The following ROCK2 variants were observed in gnomAD, a reference collection of about 807,000 sequenced individuals.
The protein encoded by ROCK2 is Rho associated coiled-coil containing protein kinase 2.
A neutral mutation model predicts 195.1 loss-of-function variants in ROCK2; 61 were observed. The observed-to-expected ratio is 0.31, with a 90% CI of 0.25 to 0.39. The LOEUF (loss-of-function observed/expected upper bound fraction) is 0.39. ROCK2 is among the 10% of genes least tolerant of loss of function. The probability of loss-of-function intolerance (pLI) is 1.00; values close to 1 mark genes in which losing one functional copy is unlikely to be tolerated. For missense variants in ROCK2, 1,109 were observed against 1,637.4 expected, an observed-to-expected ratio of 0.68 and a Z score of 5.57; for synonymous variants, 504 against 545.5, an observed-to-expected ratio of 0.92 and a Z score of 1.06.
chr2:11,292,108 A>G (rs1402132227), intron 1 of ROCK2, among the ~76,000 whole-genome samples: 2 of 152,126 alleles, frequency 1.3e-5, no homozygotes, highest in Non-Finnish European at 2.9e-5. Context: ...TATTATTTCT[A>G]AATCACTGTT....
At chr2:11,299,406 AT>A (rs1667638407) in intron 1 of ROCK2, among the ~76,000 whole-genome samples, 1 of 152,244 alleles carries the variant, frequency 6.6e-6, no homozygotes, top group African/African-American at 2.4e-5. Context: ...AAGTACTTTT[AT>A]AAAAAACCAA....
intron 3 of ROCK2, among the ~76,000 whole-genome samples, chr2:11,252,717 C>T (rs955978561): frequency 2.0e-5 from 3 of 152,150 alleles, no homozygotes; most frequent in South Asian, 2.1e-4. Flanking sequence ...AACCAAACAC[C>T]GCAGGTTCCC....
In ROCK2 at chr2:11,229,599, T is replaced by C. The variant is rs1572273867; in HGVS notation, c.724-2201A>G. ...ATAAACATTAAAACCAATCAGGATG[T>C]GGGGGGAACTCTAAATGCAACACAA... On this transcript the variant is annotated intron_variant, in intron 5 of 32. Coordinates refer to ENST00000315872, the MANE Select transcript of ROCK2 (RefSeq NM_004850.5). Among the ~76,000 whole-genome samples the C allele has an allele frequency of 3.5e-5, 5 of 143,694 alleles. No homozygotes were observed. The South Asian group carries it at 8.8e-4, about 25-fold the overall frequency. 94.3% of individuals were successfully genotyped at this position (143,694 alleles called of 152,430 possible). A position where few individuals can be genotyped will look rare whatever the true frequency, so the allele number is the denominator to read the frequency against.
intron 32 of ROCK2, among the ~76,000 whole-genome samples, chr2:11,188,979 G>A (rs1199546892): frequency 3.3e-5 from 5 of 149,626 alleles, no homozygotes; most frequent in Non-Finnish European, 7.4e-5. Context: ...GAGGGTTAGG[G>A]TGAACCGAGA....
At chr2:11,318,875 T>G (rs1183274646) in intron 1 of ROCK2, among the ~76,000 whole-genome samples, 5 of 152,202 alleles carry the variant, frequency 3.3e-5, no homozygotes, top group Non-Finnish European at 5.9e-5. Flanking sequence ...CTTCCCCATT[T>G]CTTGTTTTTG....
chr2:11,196,334 G>A (rs1663635339), intron 27 of ROCK2, among the ~76,000 whole-genome samples: 1 of 152,146 alleles, frequency 6.6e-6, no homozygotes, highest in African/African-American at 2.4e-5. Flanking sequence ...CATATCCTTT[G>A]AATCAGTCGA....
At position 11,249,560 on chromosome 2, in the gene ROCK2, C is replaced by A. The variant is rs574320928; in HGVS notation, c.462+101G>T. The A allele has an allele frequency of 7.4e-5, 67 of 901,272 alleles. No homozygotes were observed. The East Asian group carries it at 1.8e-3, about 24-fold the overall frequency. The allele number at this position is 901,272 out of a possible 1,614,324, so 55.8% of individuals were successfully genotyped here. On this transcript the variant is annotated intron_variant, in intron 4 of 32. Coordinates refer to ENST00000315872, the MANE Select transcript of ROCK2 (RefSeq NM_004850.5). ...CTCCTAAAAATAACTGCACTGTTACCATGTAAATGAAGCATAAGACTTGGC... is the reference window on the plus strand; with the variant it reads ...CTCCTAAAAATAACTGCACTGTTACAATGTAAATGAAGCATAAGACTTGGC...
chr2:11,208,386 T>C lies in ROCK2; in HGVS notation c.2265A>G (p.Leu755=). 1 of 1,558,816 alleles carries C rather than the reference T, an allele frequency of 6.4e-7. No individual in the cohort carries two copies. Among genetic ancestry groups the C allele is most frequent in the Non-Finnish European group, 8.7e-7 (1 of 1,144,952 alleles). ...ATAGAGAACATCTTTTCTCAGCTTC[T>C]AGCAATAGGTTCTCCACTTTCTGTT... is the stretch of plus-strand genomic sequence containing the variant. ...TLKQKVENLL[L]EAEKRCSLLD... Residue 755 remains leucine, a synonymous_variant, in exon 19 of 33, where the codon CTA becomes CTG. Coordinates refer to ENST00000315872, the MANE Select transcript of ROCK2 (RefSeq NM_004850.5).
At chr2:11,308,496 G>C (rs1291993480) in intron 1 of ROCK2, 23 of 1,590,238 alleles carry the variant, frequency 1.4e-5, no homozygotes, top group East Asian at 2.2e-5. Context: ...TTCTTACCAA[G>C]GTTGCCACTG....
At chr2:11,239,892 C>A (rs1316760199) in intron 4 of ROCK2, among the ~76,000 whole-genome samples, 1 of 152,180 alleles carries the variant, frequency 6.6e-6, no homozygotes, top group Non-Finnish European at 1.5e-5. Context: ...TAACAATTTA[C>A]TAGGATGACT....
intron 8 of ROCK2, among the ~76,000 whole-genome samples, chr2:11,221,797 T>C (rs72785499): frequency 0.068 from 10,363 of 152,236 alleles, 517 homozygotes; most frequent in Non-Finnish European, 0.073. Flanking sequence ...AAGGATTGCA[T>C]TCCCTTGATT....
At chr2:11,248,906 T>C (rs980195838) in intron 4 of ROCK2, among the ~76,000 whole-genome samples, 8 of 151,964 alleles carry the variant, frequency 5.3e-5, no homozygotes, top group Admixed American at 5.2e-4. Flanking sequence ...TAAGCTTCTT[T>C]TTTTGTTTTA....
At chr2:11,285,451 T>A (rs1667155324) in intron 3 of ROCK2, among the ~76,000 whole-genome samples, 2 of 152,000 alleles carry the variant, frequency 1.3e-5, no homozygotes, top group African/African-American at 4.8e-5. Flanking sequence ...CTCAAGTGTG[T>A]CAGACTTCTT....
intron 3 of ROCK2, among the ~76,000 whole-genome samples, chr2:11,267,538 AAAC>A (rs939961650): frequency 5.9e-5 from 9 of 151,846 alleles, no homozygotes; most frequent in Non-Finnish European, 1.0e-4. Flanking sequence ...CAAAAAACAC[AAAC>A]AACAACAAAA....
intron 32 of ROCK2, among the ~76,000 whole-genome samples, chr2:11,190,058 T>G (rs925597117): frequency 1.3e-5 from 2 of 152,028 alleles, no homozygotes; most frequent in Non-Finnish European, 2.9e-5. Context: ...ACAGACACAA[T>G]GCTAGGAGTA....
intron 1 of ROCK2, among the ~76,000 whole-genome samples, chr2:11,293,321 A>T (rs1335941552): frequency 2.6e-5 from 4 of 152,230 alleles, no homozygotes; most frequent in Non-Finnish European, 5.9e-5. Flanking sequence ...AGGAAAAGAT[A>T]AAATTGTGTG....
chr2:11,302,990 A>G (rs1054528838), intron 1 of ROCK2, among the ~76,000 whole-genome samples: 3 of 152,078 alleles, frequency 2.0e-5, no homozygotes, highest in Non-Finnish European at 4.4e-5. Flanking sequence ...CACTTTCCTC[A>G]CAGTCTTTCA....
chr2:11,236,323 TG>T (rs1687329619), intron 4 of ROCK2, among the ~76,000 whole-genome samples: 1 of 152,028 alleles, frequency 6.6e-6, no homozygotes, highest in Admixed American at 6.5e-5. Flanking sequence ...AACAGCTTTC[TG>T]AACAAACTAC....
chr2:11,244,735 G>T (rs1363487712), intron 4 of ROCK2, among the ~76,000 whole-genome samples: 1 of 151,702 alleles, frequency 6.6e-6, no homozygotes, highest in African/African-American at 2.4e-5. Context: ...ACTAAATACA[G>T]CCTGGGCAAC....
Sources: allele counts gnomAD v4.1 joint callset (sites outside exome capture counted in the v4.1 genomes callset), GRCh38; gene constraint gnomAD v4.1.1; transcripts MANE v1.5; gene names NCBI Gene and HGNC (gene_info 2026-07-23, HGNC 2026-07-21).